DLGAP1: variants seen among roughly 807,000 people sequenced by gnomAD.
DLGAP1 encodes DLG associated protein 1.
Under a neutral mutation model 90.8 loss-of-function variants are expected in DLGAP1, and 11 were observed. That is an observed-to-expected ratio of 0.12 (90% CI 0.08 to 0.20). DLGAP1 has a LOEUF of 0.20. DLGAP1 is among the 10% of genes least tolerant of loss of function. The pLI, the probability that DLGAP1 is intolerant of heterozygous loss-of-function variation, is 1.00. For synonymous variants in DLGAP1, 558 were observed against 540.7 expected (o/e 1.03, Z -0.44); for missense variants, 1,050 against 1,333.8 (o/e 0.79, Z 3.31).
At chr18:3,795,189 G>A (rs1969895257) in intron 5 of DLGAP1, among the ~76,000 whole-genome samples, 2 of 152,168 alleles carry the variant, frequency 1.3e-5, no homozygotes, top group Admixed American at 6.5e-5. Flanking sequence ...CAGGGGAGAT[G>A]GATGTCATGA....
At position 3,742,433 on chromosome 18, in the gene DLGAP1, G is replaced by T. The variant is rs2063095830; in HGVS notation, c.1252C>A (p.Arg418=). The T allele has an allele frequency of 6.2e-7, 1 of 1,614,022 alleles. No individual in the cohort carries two copies. Among genetic ancestry groups the T allele is most frequent in the African/African-American group, 1.3e-5 (1 of 74,922 alleles). The change falls in exon 6 of 13, where the codon CGG becomes AGG. Residue 418 remains arginine (R), a synonymous_variant. Transcript: ENST00000315677. ...LRAVSEVSIN[R]SLDSLDPAGL... is the part of the protein sequence containing the mutation. ...GCAGGGTCCAGGCTGTCCAGGCTCC[G>T]GTTGATGGAGACTTCACTCACTGCC... is the stretch of plus-strand genomic sequence containing the variant.
In DLGAP1 at chr18:4,008,856, C is replaced by A. The variant is rs373233435; in HGVS notation, c.-158-3655G>T. On this transcript the variant is annotated intron_variant, in intron 2 of 12. Coordinates refer to ENST00000315677, the MANE Select transcript of DLGAP1 (RefSeq NM_004746.4). ...AGAAGAAGAAGAAGAAATGCTGCTG[C>A]TGATGAAGCCTTGCTACAGGACGTG... 3.1e-4 allele frequency among the ~76,000 whole-genome samples: 47 copies of A among 152,348 alleles called. 2 individuals are homozygous for A. In the South Asian group the frequency reaches 3.9e-3, roughly 13 times the overall value.
intron 10 of DLGAP1, among the ~76,000 whole-genome samples, chr18:3,531,563 A>C (rs1239544307): frequency 1.3e-5 from 2 of 152,118 alleles, no homozygotes; most frequent in Non-Finnish European, 2.9e-5. Context: ...TGTTCACCGC[A>C]AACTCAATCT....
At chr18:3,894,741 C>A (rs2071572327) in intron 3 of DLGAP1, 1 of 152,124 alleles carries the variant, frequency 6.6e-6, no homozygotes, top group Non-Finnish European at 1.5e-5. Flanking sequence ...CATCCTTGTG[C>A]AGGGGCCATG....
chr18:3,903,907 G>C (rs1037139231), intron 3 of DLGAP1, among the ~76,000 whole-genome samples: 3 of 152,154 alleles, frequency 2.0e-5, no homozygotes, highest in Admixed American at 6.5e-5. Flanking sequence ...GAACTATTCT[G>C]CAAAAAACAA....
At chr18:4,428,052 C>A (rs542648183) in intron 1 of DLGAP1, among the ~76,000 whole-genome samples, 1 of 152,318 alleles carries the variant, frequency 6.6e-6, no homozygotes, top group African/African-American at 2.4e-5. Context: ...TGTTCCACTT[C>A]TCTGAGTTTA....
intron 5 of DLGAP1, among the ~76,000 whole-genome samples, chr18:3,752,230 C>A (rs547933551): frequency 6.6e-6 from 1 of 152,240 alleles, no homozygotes; most frequent in Non-Finnish European, 1.5e-5. Context: ...CCATAAAAGT[C>A]ACCCTTTTAA....
rs866179844 is a variant in DLGAP1 at position 3,625,627 on chromosome 18, A to C, written c.1592-43379T>G. On this transcript the variant is annotated intron_variant, in intron 7 of 12. Coordinates refer to ENST00000315677, the MANE Select transcript of DLGAP1 (RefSeq NM_004746.4). ...GTAATCTAAGAAGAGTAATGTTCTT[A>C]CAGAAAAATTAGACCTTCATGATTG... Among the ~76,000 whole-genome samples, 10 of 152,354 alleles carry C rather than the reference A, an allele frequency of 6.6e-5. No homozygotes were observed. In the South Asian group the frequency reaches 1.0e-3, roughly 16 times the overall value.
intron 10 of DLGAP1, among the ~76,000 whole-genome samples, chr18:3,531,933 G>A (rs1238115276): frequency 6.6e-6 from 1 of 152,028 alleles, no homozygotes; most frequent in South Asian, 2.1e-4. Flanking sequence ...TCAGCTTGCC[G>A]CAACCTCTGC....
intron 7 of DLGAP1, among the ~76,000 whole-genome samples, chr18:3,666,671 G>T (rs1231606904): frequency 6.6e-6 from 1 of 152,172 alleles, no homozygotes; most frequent in South Asian, 2.1e-4. Flanking sequence ...TCCATCCTTA[G>T]CAGAATCTCC....
chr18:3,845,437 A>G, intron 4 of DLGAP1: 2 of 1,350,460 alleles, frequency 1.5e-6, no homozygotes, highest in Non-Finnish European at 1.9e-6. Flanking sequence ...AAGATTTGCA[A>G]CTTTACATTT....
chr18:4,261,257 C>T (rs2078997113), intron 1 of DLGAP1, among the ~76,000 whole-genome samples: 1 of 152,152 alleles, frequency 6.6e-6, no homozygotes, highest in Non-Finnish European at 1.5e-5. Context: ...AAGTCGGACT[C>T]TATGCCTGCC....
chr18:4,037,894 A>C (rs1040768885), intron 2 of DLGAP1, among the ~76,000 whole-genome samples: 1 of 152,224 alleles, frequency 6.6e-6, no homozygotes, highest in African/African-American at 2.4e-5. Flanking sequence ...CAGGAAGCGG[A>C]AGTTGCAGTG....
At chr18:3,863,018 G>C (rs2070177005) in intron 4 of DLGAP1, among the ~76,000 whole-genome samples, 1 of 152,218 alleles carries the variant, frequency 6.6e-6, no homozygotes, top group Admixed American at 6.5e-5. Flanking sequence ...AGTCAAGAGA[G>C]TAAAAAACAA....
In DLGAP1 at chr18:3,765,916, A is replaced by T. The variant is rs892132921; in HGVS notation, c.1173-23404T>A. Reference sequence around the variant, plus strand: ...CTGAAAAAATTAAGTATCACATTGGAAGGTGGGAAAAATAAAATAGGGAAA... The same window carrying T: ...CTGAAAAAATTAAGTATCACATTGGTAGGTGGGAAAAATAAAATAGGGAAA... On this transcript the variant is annotated intron_variant, in intron 5 of 12. Coordinates refer to ENST00000315677, the MANE Select transcript of DLGAP1 (RefSeq NM_004746.4). 2.0e-5 allele frequency among the ~76,000 whole-genome samples: 3 copies of T among 152,314 alleles called. No individual in the cohort carries two copies. In the East Asian group the frequency reaches 5.8e-4, roughly 29 times the overall value.
In DLGAP1 at chr18:3,582,038, G is replaced by A; in HGVS notation, c.1802C>T (p.Ala601Val). 2 of 1,613,618 alleles carry A rather than the reference G, an allele frequency of 1.2e-6. No homozygotes were observed. Among genetic ancestry groups the A allele is most frequent in the Non-Finnish European group, 1.7e-6 (2 of 1,179,972 alleles). The change falls in exon 8 of 13, where the codon GCC becomes GTC. Residue 601 changes from alanine (A) to valine (V), a missense_variant. Physicochemically the swap from Ala to Val is moderately conservative, Grantham distance 64. Coordinates refer to ENST00000315677, the MANE Select transcript of DLGAP1 (RefSeq NM_004746.4). Reference sequence around the variant, plus strand: ...CTGGGCGTTTGCAGCTTCGATGGCGGCTGTCAGAGCCTTCATACTGTCCAG... The same window carrying A: ...CTGGGCGTTTGCAGCTTCGATGGCGACTGTCAGAGCCTTCATACTGTCCAG... ...ESLDSMKALTAAIEAANAQIH... is the reference protein window; with the variant it reads ...ESLDSMKALTVAIEAANAQIH...
chr18:3,503,406 A>G (rs2050050093), intron 11 of DLGAP1, among the ~76,000 whole-genome samples: 1 of 152,234 alleles, frequency 6.6e-6, no homozygotes, highest in Non-Finnish European at 1.5e-5. Context: ...TGCCCCATCC[A>G]CATATCCCTG....
chr18:4,255,049 G>T (rs1284318883), intron 1 of DLGAP1, among the ~76,000 whole-genome samples: 1 of 152,212 alleles, frequency 6.6e-6, no homozygotes, highest in African/African-American at 2.4e-5. Flanking sequence ...ACCAGCCTGG[G>T]CAAAGCAGAG....
intron 7 of DLGAP1, among the ~76,000 whole-genome samples, chr18:3,638,247 CT>C (rs541911033): frequency 0.14 from 17,767 of 129,636 alleles, 1,347 homozygotes; most frequent in African/African-American, 0.25. Context: ...GTGCCCGGCC[CT>C]TTTTTTTTTT....
Sources: allele counts gnomAD v4.1 joint callset (sites outside exome capture counted in the v4.1 genomes callset), GRCh38; gene constraint gnomAD v4.1.1; transcripts MANE v1.5; gene names NCBI Gene and HGNC (gene_info 2026-07-23, HGNC 2026-07-21).